CCSER1: variants seen among roughly 807,000 people sequenced by gnomAD.
CCSER1 encodes coiled-coil serine rich protein 1.
A neutral mutation model predicts 82.0 loss-of-function variants in CCSER1; 41 were observed. The ratio of observed to expected loss-of-function variants is 0.50; its 90% confidence interval spans 0.39 to 0.65. The LOEUF is 0.65. CCSER1 is among the 30% of genes least tolerant of loss of function. The pLI is 0.00. For synonymous variants in CCSER1, 414 were observed against 383.9 expected, an observed-to-expected ratio of 1.08 and a Z score of -0.92; for missense variants, 1,119 against 1,064.2, an observed-to-expected ratio of 1.05 and a Z score of -0.72.
intron 10 of CCSER1, among the ~76,000 whole-genome samples, chr4:91,410,096 A>C (rs555900163): frequency 6.6e-6 from 1 of 152,332 alleles, no homozygotes; most frequent in South Asian, 2.1e-4. Flanking sequence ...CATTTTACTC[A>C]GTCCTGGTTT....
intron 8 of CCSER1, among the ~76,000 whole-genome samples, chr4:90,856,012 A>G (rs1764425466): frequency 6.6e-6 from 1 of 152,182 alleles, no homozygotes; most frequent in South Asian, 2.1e-4. Context: ...AGGAAAGACA[A>G]GGCATTGTCA....
intron 6 of CCSER1, among the ~76,000 whole-genome samples, chr4:90,703,100 A>G (rs559477072): frequency 2.6e-5 from 4 of 151,918 alleles, no homozygotes; most frequent in South Asian, 2.1e-4. Flanking sequence ...GCTTTCTCTT[A>G]TGGGCATTTA....
At chr4:90,430,591 G>A (rs1758135638) in intron 4 of CCSER1, among the ~76,000 whole-genome samples, 2 of 151,782 alleles carry the variant, frequency 1.3e-5, no homozygotes, top group African/African-American at 2.4e-5. Flanking sequence ...CAGCCACACT[G>A]GTTAATGTTT....
At chr4:91,342,204 TGAA>T (rs1747766243) in intron 10 of CCSER1, among the ~76,000 whole-genome samples, 1 of 152,226 alleles carries the variant, frequency 6.6e-6, no homozygotes, top group South Asian at 2.1e-4. Context: ...CATTTCTAGA[TGAA>T]GAAGGCCAAA....
intron 10 of CCSER1, among the ~76,000 whole-genome samples, chr4:91,234,675 A>G (rs1281328488): frequency 2.0e-5 from 3 of 152,140 alleles, no homozygotes; most frequent in Non-Finnish European, 4.4e-5. Flanking sequence ...AAGAAAATGA[A>G]AATATTTATT....
At chr4:91,567,000 TCTAA>T (rs1346189255) in intron 10 of CCSER1, among the ~76,000 whole-genome samples, 1 of 152,132 alleles carries the variant, frequency 6.6e-6, no homozygotes, top group Non-Finnish European at 1.5e-5. Flanking sequence ...CTGAGATCTT[TCTAA>T]CTTACTTTTG....
At chr4:90,143,886 C>T (rs1264550889) in intron 1 of CCSER1, among the ~76,000 whole-genome samples, 2 of 151,406 alleles carry the variant, frequency 1.3e-5, no homozygotes, top group Non-Finnish European at 1.5e-5. Flanking sequence ...GACAGGGTCT[C>T]CTTATGTTAC....
In CCSER1 at chr4:91,238,017, A is replaced by T. The variant is rs948979128; in HGVS notation, c.2217+152023A>T. On this transcript the variant is annotated intron_variant, in intron 10 of 10. Coordinates refer to ENST00000509176, the MANE Select transcript of CCSER1 (RefSeq NM_001145065.2). Reference sequence around the variant, plus strand: ...TGGGGATAGAGAGTCCATTAAAATGAGCAGTGTGCTCTTTTGCATAGTGGG... The same window carrying T: ...TGGGGATAGAGAGTCCATTAAAATGTGCAGTGTGCTCTTTTGCATAGTGGG... Among the ~76,000 whole-genome samples the T allele has an allele frequency of 1.3e-5, 2 of 152,176 alleles. 1 individual carries two copies. Among genetic ancestry groups the T allele is most frequent in the Admixed American group, 1.3e-4 (2 of 15,272 alleles).
At chr4:91,434,480 A>T (rs2149397108) in intron 10 of CCSER1, among the ~76,000 whole-genome samples, 1 of 152,272 alleles carries the variant, frequency 6.6e-6, no homozygotes, top group Non-Finnish European at 1.5e-5. Context: ...TACGGGTAAA[A>T]AATGAGATAG....
chr4:90,686,129 G>A (rs926789030), intron 6 of CCSER1, among the ~76,000 whole-genome samples: 11 of 152,052 alleles, frequency 7.2e-5, no homozygotes, highest in African/African-American at 2.4e-4. Context: ...TCAGCTCCAC[G>A]GACTGGTAAC....
At chr4:90,853,963 T>C (rs1764170730) in intron 8 of CCSER1, among the ~76,000 whole-genome samples, 1 of 152,180 alleles carries the variant, frequency 6.6e-6, no homozygotes, top group South Asian at 2.1e-4. Flanking sequence ...CTATGATATA[T>C]ATTTTAGGAC....
chr4:91,560,554 A>G (rs1029166555), intron 10 of CCSER1, among the ~76,000 whole-genome samples: 3 of 151,522 alleles, frequency 2.0e-5, no homozygotes, highest in African/African-American at 7.3e-5. Flanking sequence ...TTAAAAATTC[A>G]AAAGCTTTAT....
chr4:90,227,030 CT>C (rs1460414624), intron 1 of CCSER1, among the ~76,000 whole-genome samples: 1 of 152,182 alleles, frequency 6.6e-6, no homozygotes, highest in Non-Finnish European at 1.5e-5. Context: ...TTCTTACCCT[CT>C]TTTTTCCCCC....
chr4:90,253,511 C>T (rs1480253284), intron 1 of CCSER1, among the ~76,000 whole-genome samples: 1 of 152,052 alleles, frequency 6.6e-6, no homozygotes, highest in African/African-American at 2.4e-5. Context: ...TATGTGATCC[C>T]ACTGCCTTAT....
intron 7 of CCSER1, chr4:90,781,653 T>C: frequency 5.1e-6 from 5 of 973,236 alleles, no homozygotes; most frequent in Non-Finnish European, 6.1e-6. Context: ...AAAGTAGCTT[T>C]ACATGTATTA....
chr4:90,773,335 T>A (rs913406896), intron 7 of CCSER1, among the ~76,000 whole-genome samples: 6 of 152,230 alleles, frequency 3.9e-5, no homozygotes, highest in Non-Finnish European at 7.3e-5. Flanking sequence ...ATAATGCTTT[T>A]TGATTGGCAG....
At chr4:91,596,416 A>T (rs1764580747) in intron 10 of CCSER1, among the ~76,000 whole-genome samples, 1 of 152,080 alleles carries the variant, frequency 6.6e-6, no homozygotes, top group East Asian at 1.9e-4. Context: ...TTCATCCCCA[A>T]TTTTTTCCAC....
chr4:91,272,393 T>A (rs1742103589), intron 10 of CCSER1, among the ~76,000 whole-genome samples: 2 of 152,238 alleles, frequency 1.3e-5, no homozygotes, highest in African/African-American at 4.8e-5. Context: ...CATTTGTATA[T>A]CTTCTTTTGA....
intron 10 of CCSER1, among the ~76,000 whole-genome samples, chr4:91,171,955 T>A (rs1411803608): frequency 6.6e-6 from 1 of 152,144 alleles, no homozygotes; most frequent in African/African-American, 2.4e-5. Context: ...CTTTAGCTAT[T>A]TGGTTCATTT....
Sources: allele counts gnomAD v4.1 joint callset (sites outside exome capture counted in the v4.1 genomes callset), GRCh38; gene constraint gnomAD v4.1.1; transcripts MANE v1.5; gene names NCBI Gene and HGNC (gene_info 2026-07-23, HGNC 2026-07-21).